The following CAPN5 variants were observed in gnomAD, a reference collection of about 807,000 sequenced individuals.
CAPN5 encodes the protein calpain-5.
A neutral mutation model predicts 73.0 loss-of-function variants in CAPN5; 54 were observed. That is an observed-to-expected ratio of 0.74 (90% CI 0.59 to 0.93). The LOEUF (loss-of-function observed/expected upper bound fraction) is 0.93. Ranked by LOEUF, CAPN5 falls within the 40% of genes least tolerant of loss-of-function variation. CAPN5 has a pLI of 0.00. For synonymous variants in CAPN5, 335 were observed against 356.9 expected (o/e 0.94, Z 0.69); for missense variants, 785 against 882.9 (o/e 0.89, Z 1.41).
intron 4 of CAPN5, among the ~76,000 whole-genome samples, chr11:77,113,796 A>G (rs1555041141): frequency 6.6e-6 from 1 of 151,988 alleles, no homozygotes; most frequent in African/African-American, 2.4e-5. Context: ...TCATTGTGGT[A>G]AAATAGACAA....
At chr11:77,076,428 AATCTCTTGAACTTATAG>A (rs1949969338) in intron 1 of CAPN5, among the ~76,000 whole-genome samples, 1 of 152,212 alleles carries the variant, frequency 6.6e-6, no homozygotes, top group South Asian at 2.1e-4. Context: ...TGTTACAATC[AATCTCTTGAACTTATAG>A]ATCTCTTGAA....
intron 12 of CAPN5, among the ~76,000 whole-genome samples, chr11:77,123,230 G>A (rs1440669516): frequency 6.6e-6 from 1 of 152,180 alleles, no homozygotes; most frequent in Non-Finnish European, 1.5e-5. Context: ...CTCTCAGTGA[G>A]ACAGCATCTG....
intron 9 of CAPN5, 138 bp from the exon 10 acceptor site, chr11:77,120,575 A>T: frequency 1.7e-6 from 1 of 599,648 alleles, no homozygotes; most frequent in Non-Finnish European, 2.9e-6. Context: ...CGCTTCTGTT[A>T]TTATAGATTT....
chr11:77,068,321 G>A (rs1390697403), intron 1 of CAPN5, among the ~76,000 whole-genome samples: 1 of 152,110 alleles, frequency 6.6e-6, no homozygotes, highest in African/African-American at 2.4e-5. Context: ...TCTTTGCCCT[G>A]AGGAGCCTCT....
intron 1 of CAPN5, 145 bp downstream of exon 1, chr11:77,067,239 G>A (rs1454982296): frequency 6.6e-6 from 1 of 151,738 alleles, no homozygotes; most frequent in African/African-American, 2.4e-5. Flanking sequence ...CGGGCCCGGG[G>A]GGAAAGGAAG....
intron 3 of CAPN5, among the ~76,000 whole-genome samples, chr11:77,109,535 G>T (rs1555040435): frequency 6.6e-6 from 1 of 152,122 alleles, no homozygotes; most frequent in East Asian, 1.9e-4. Context: ...CCCATCTTTG[G>T]CCATCAGGAA....
intron 3 of CAPN5, among the ~76,000 whole-genome samples, chr11:77,103,816 G>A (rs1950315739): frequency 6.6e-6 from 1 of 152,202 alleles, no homozygotes; most frequent in South Asian, 2.1e-4. Flanking sequence ...CCCTTTGCCG[G>A]AGCCTGTGTC....
chr11:77,125,357 A>G lies in CAPN5; in HGVS notation c.*1487A>G, dbSNP rs1555043690. ...TGCTCCTGGGTCTTGGCCCTGGGCC[A>G]TATGAGGGGCCAGGAAATGAACGAC... is the stretch of plus-strand genomic sequence containing the variant. On this transcript the variant is annotated 3_prime_UTR_variant, in exon 13 of 13. Coordinates refer to ENST00000648180, the MANE Select transcript of CAPN5 (RefSeq NM_004055.5). 3.3e-5 allele frequency: 5 copies of G among 152,596 alleles called. No homozygotes were observed. Among genetic ancestry groups the G allele is most frequent in the African/African-American group, 9.7e-5 (4 of 41,434 alleles). The allele number at this position is 152,596 out of a possible 1,614,324, so 9.5% of individuals were successfully genotyped here.
At chr11:77,103,577 A>T (rs868918063) in intron 3 of CAPN5, among the ~76,000 whole-genome samples, 6 of 152,260 alleles carry the variant, frequency 3.9e-5, no homozygotes, top group Middle Eastern at 3.4e-3. Flanking sequence ...ATTGCTATAG[A>T]CGATAGAGGC....
chr11:77,068,239 G>T (rs1431636274), intron 1 of CAPN5, among the ~76,000 whole-genome samples: 1 of 152,114 alleles, frequency 6.6e-6, no homozygotes, highest in Non-Finnish European at 1.5e-5. Flanking sequence ...CCTGGGCAGG[G>T]TATGGTGGGC....
intron 2 of CAPN5, among the ~76,000 whole-genome samples, chr11:77,085,483 T>C (rs1466197752): frequency 2.0e-5 from 3 of 152,214 alleles, no homozygotes; most frequent in Non-Finnish European, 4.4e-5. Context: ...TGAAAAGTAT[T>C]TATTATGATG....
In CAPN5 at chr11:77,077,527, A is replaced by AT. The variant is rs532375338; in HGVS notation, c.-35-7313dup. 3.5e-3 allele frequency among the ~76,000 whole-genome samples: 507 copies of AT among 145,040 alleles called. 4 individuals carry two copies. The highest frequency in any genetic ancestry group is 5.5e-3 in the Admixed American group (79 of 14,486). On this transcript the variant is annotated intron_variant, in intron 1 of 12. Coordinates refer to ENST00000648180, the MANE Select transcript of CAPN5 (RefSeq NM_004055.5). ...ATGATTAGTGATGTTGAGCTTTTTAATTTTTTTTTTTTGTTTTTTGAGATG... is the reference window on the plus strand; with the variant it reads ...ATGATTAGTGATGTTGAGCTTTTTAATTTTTTTTTTTTTGTTTTTTGAGATG...
intron 3 of CAPN5, 97 bp downstream of exon 3, chr11:77,093,910 G>A: frequency 6.6e-7 from 1 of 1,511,594 alleles, no homozygotes; most frequent in Non-Finnish European, 8.9e-7. Flanking sequence ...TGGCAGATGA[G>A]ACTTTCAAAA....
chr11:77,081,768 G>A (rs900503059), intron 1 of CAPN5, among the ~76,000 whole-genome samples: 5 of 152,242 alleles, frequency 3.3e-5, no homozygotes, highest in Admixed American at 3.3e-4. Context: ...TGTGGGCACC[G>A]GCTGGCACCC....
At chr11:77,100,555 T>C (rs535569026) in intron 3 of CAPN5, among the ~76,000 whole-genome samples, 1 of 152,202 alleles carries the variant, frequency 6.6e-6, no homozygotes, top group Non-Finnish European at 1.5e-5. Context: ...TAGAAGTTGA[T>C]CACACCCACC....
intron 7 of CAPN5, among the ~76,000 whole-genome samples, chr11:77,116,739 G>A (rs1474828166): frequency 2.6e-5 from 4 of 152,248 alleles, no homozygotes; most frequent in African/African-American, 9.6e-5. Context: ...GCCTCCAGGG[G>A]CCCTCTGGCA....
chr11:77,088,165 A>C, intron 2 of CAPN5: 1 of 831,570 alleles, frequency 1.2e-6, no homozygotes, highest in Non-Finnish European at 1.7e-6. Context: ...TGGAATGCAC[A>C]GGGGACAAGG....
intron 10 of CAPN5, among the ~76,000 whole-genome samples, chr11:77,121,398 G>A (rs1164960518): frequency 1.3e-5 from 2 of 152,252 alleles, no homozygotes; most frequent in Non-Finnish European, 2.9e-5. Flanking sequence ...TAGACCCTGT[G>A]CGTCCCGCAC....
At chr11:77,098,882 CACT>C (rs1950248947) in intron 3 of CAPN5, among the ~76,000 whole-genome samples, 3 of 136,868 alleles carry the variant, frequency 2.2e-5, no homozygotes, top group Non-Finnish European at 3.1e-5. Flanking sequence ...AGACGCTCCT[CACT>C]TCCCAGATGG....
Sources: allele counts gnomAD v4.1 joint callset (sites outside exome capture counted in the v4.1 genomes callset), GRCh38; gene constraint gnomAD v4.1.1; transcripts MANE v1.5; gene names NCBI Gene and HGNC (gene_info 2026-07-23, HGNC 2026-07-21).